PGBD2: variants seen among roughly 807,000 people sequenced by gnomAD.
PGBD2 encodes the protein piggyBac transposable element derived 2, also known as piggyBac transposable element-derived protein 2.
PGBD2 carries 6 observed loss-of-function variants against 8.1 expected under a neutral mutation model. The observed-to-expected ratio is 0.74, with a 90% CI of 0.40 to 1.46. The LOEUF (loss-of-function observed/expected upper bound fraction) is 1.46. Ranked by LOEUF, PGBD2 falls within the 40% of genes most tolerant of loss-of-function variation. The pLI is 0.02. For missense variants in PGBD2, 802 were observed against 739.0 expected, an observed-to-expected ratio of 1.09 and a Z score of -0.99; for synonymous variants, 318 against 272.2, an observed-to-expected ratio of 1.17 and a Z score of -1.66.
downstream of PGBD2, among the ~76,000 whole-genome samples, chr1:248,922,067 T>TC (rs932818674): frequency 6.6e-6 from 1 of 151,130 alleles, no homozygotes; most frequent in Non-Finnish European, 1.5e-5. Flanking sequence ...TTTTTCTTTT[T>TC]TTTTTTTTTT....
chr1:248,874,154 T>C, the PGBD2 span, among the ~76,000 whole-genome samples: 1 of 152,196 alleles, frequency 6.6e-6, no homozygotes, highest in African/African-American at 2.4e-5. Flanking sequence ...TTCCCAAATG[T>C]TGCGAGAAAA....
the PGBD2 span, among the ~76,000 whole-genome samples, chr1:248,880,127 T>C: frequency 2.0e-5 from 3 of 152,168 alleles, no homozygotes; most frequent in African/African-American, 7.2e-5. Context: ...TCCTATATTG[T>C]CACAGATTTT....
intron 2 of PGBD2, 29 bp downstream of exon 2, chr1:248,913,908 A>C: frequency 6.3e-7 from 1 of 1,590,730 alleles, no homozygotes; most frequent in East Asian, 2.2e-5. Flanking sequence ...CAAATGTTTT[A>C]TTGAAGAATT....
chr1:248,874,903 G>GAGGTAGAT, the PGBD2 span, among the ~76,000 whole-genome samples: 2 of 145,310 alleles, frequency 1.4e-5, no homozygotes, highest in Non-Finnish European at 3.0e-5. Context: ...TAGGTAGATA[G>GAGGTAGAT]AGATAGATAG....
At chr1:248,928,811 A>C in the PGBD2 span, among the ~76,000 whole-genome samples, 4 of 152,238 alleles carry the variant, frequency 2.6e-5, no homozygotes, top group African/African-American at 7.2e-5. Context: ...TAGAGAACCC[A>C]GTGACTTTTC....
At chr1:248,875,448 G>A in the PGBD2 span, among the ~76,000 whole-genome samples, 1 of 151,856 alleles carries the variant, frequency 6.6e-6, no homozygotes, top group Non-Finnish European at 1.5e-5. Flanking sequence ...GCTGTCATAT[G>A]CTAGTCTACA....
chr1:248,920,936 T>C (rs1385471074), downstream of PGBD2, among the ~76,000 whole-genome samples: 12 of 152,266 alleles, frequency 7.9e-5, no homozygotes, highest in African/African-American at 2.7e-4. Context: ...GCTGCATAAA[T>C]GTCTTCTTTT....
Position 248,917,662 on chromosome 1 carries a change from A to G in PGBD2, c.1078A>G (p.Met360Val), listed in dbSNP as rs1262394794. Residue 360 changes from methionine (M) to valine (V), a missense_variant, in exon 3 of 3, where the codon ATG becomes GTG. By Grantham distance (21) the Met-to-Val change is conservative. Transcript: ENST00000329291. ...CAAGGTTTTCACAAGTGTTAAACTG[A>G]TGTCCATTTTGAGGAAAAAGGGGGT... ...FDKVFTSVKL[M>V]SILRKKGVKA... The G allele has an allele frequency of 6.2e-7, 1 of 1,614,212 alleles. No individual in the cohort carries two copies. The highest frequency in any genetic ancestry group is 1.1e-5 in the South Asian group (1 of 91,084).
upstream of PGBD2, among the ~76,000 whole-genome samples, chr1:248,901,805 C>T (rs75694786): frequency 6.6e-6 from 1 of 152,074 alleles, no homozygotes; most frequent in East Asian, 1.9e-4. Context: ...AACCACAAAC[C>T]ATCATCAGAG....
downstream of PGBD2, among the ~76,000 whole-genome samples, chr1:248,924,378 C>A (rs757158568): frequency 1.3e-5 from 2 of 152,100 alleles, no homozygotes; most frequent in Non-Finnish European, 2.9e-5. Context: ...ATTTTTTAAT[C>A]TTCTATTTAT....
At chr1:248,907,842 A>T (rs1661713970) in intron 1 of PGBD2, among the ~76,000 whole-genome samples, 1 of 152,156 alleles carries the variant, frequency 6.6e-6, no homozygotes, top group African/African-American at 2.4e-5. Context: ...GTCAAAATGG[A>T]ATTTCTTATG....
chr1:248,917,457 A>T lies in PGBD2; in HGVS notation c.873A>T (p.Arg291=). The stretch of plus-strand genomic sequence containing the variant: ...AGCTGCACAGGGGGAAGCCTGTGCG[A>T]CTTGGCTACAAGATTTGGTGTGGGA... ...SKQLHRGKPV[R]LGYKIWCGTT... The change falls in exon 3 of 3, where the codon CGA becomes CGT. Residue 291 remains arginine (R), a synonymous_variant. Transcript: ENST00000329291. 6.2e-7 allele frequency: 1 copy of T among 1,614,110 alleles called. No homozygotes were observed. The highest frequency in any genetic ancestry group is 2.2e-5 in the East Asian group (1 of 44,866).
chr1:248,922,886 G>T (rs1572285351), downstream of PGBD2, among the ~76,000 whole-genome samples: 1 of 152,258 alleles, frequency 6.6e-6, no homozygotes, highest in Middle Eastern at 3.4e-3. Context: ...TTTTTGCGTT[G>T]ATGTTCATCA....
Position 248,918,115 on chromosome 1 carries a change from G to A in PGBD2, c.1531G>A (p.Val511Met), listed in dbSNP as rs1160977475. 6.2e-7 allele frequency: 1 copy of A among 1,614,216 alleles called. No homozygotes were observed. The highest frequency in any genetic ancestry group is 8.5e-7 in the Non-Finnish European group (1 of 1,180,034). The change falls in exon 3 of 3, where the codon GTG becomes ATG. Residue 511 changes from valine (V) to methionine (M), a missense_variant. By Grantham distance (21) the Val-to-Met change is conservative (BLOSUM62 1). Coordinates refer to ENST00000329291, the MANE Select transcript of PGBD2 (RefSeq NM_170725.3). ...TAGAATCTGCTGCCAAGATGCCCAG[G>A]TGGACCTCCTTGCCTTCCGGAGATA... ...LHRICCQDAQ[V>M]DLLAFRRYIA...
chr1:248,874,271 A>T, the PGBD2 span, among the ~76,000 whole-genome samples: 28 of 152,188 alleles, frequency 1.8e-4, no homozygotes, highest in African/African-American at 6.0e-4. Context: ...AGTGGTTAGG[A>T]TTCGGCGCTC....
chr1:248,897,661 A>T, the PGBD2 span, among the ~76,000 whole-genome samples: 1 of 152,142 alleles, frequency 6.6e-6, no homozygotes, highest in African/African-American at 2.4e-5. Context: ...GAAGCTTGAA[A>T]ATTCCTGTGA....
At chr1:248,879,400 T>C in the PGBD2 span, among the ~76,000 whole-genome samples, 1 of 152,188 alleles carries the variant, frequency 6.6e-6, no homozygotes, top group Admixed American at 6.5e-5. Context: ...GATCTTTTTA[T>C]TTTTTGTTTT....
chr1:248,895,692 G>A, the PGBD2 span, among the ~76,000 whole-genome samples: 2 of 151,482 alleles, frequency 1.3e-5, no homozygotes, highest in South Asian at 2.1e-4. Flanking sequence ...AGATTTTTTT[G>A]TTTTGTTTTG....
chr1:248,917,740 G>C lies in PGBD2; in HGVS notation c.1156G>C (p.Asp386His). Residue 386 changes from aspartate (D) to histidine (H), a missense_variant, in exon 3 of 3, where the codon GAC becomes CAC. Asp to His is a moderately conservative substitution (Grantham distance 81, BLOSUM62 -1). Transcript: ENST00000329291. ...EYRTERCPLK[D>H]PKELKKMKRG... ...CAGGACTGAGCGATGTCCCCTAAAA[G>C]ACCCCAAAGAACTGAAAAAAATGAA... 6.2e-7 allele frequency: 1 copy of C among 1,614,184 alleles called. No homozygotes were observed. The highest frequency in any genetic ancestry group is 1.1e-5 in the South Asian group (1 of 91,088).
Sources: gnomAD v4.1 joint callset for allele counts (sites outside exome capture counted in the v4.1 genomes callset) on GRCh38, gnomAD v4.1.1 for gene constraint, MANE v1.5 for transcripts, NCBI Gene and HGNC (gene_info 2026-07-23, HGNC 2026-07-21) for gene names.